DACH1: variants seen among roughly 807,000 people sequenced by gnomAD.
The protein encoded by DACH1 is dachshund homolog 1.
DACH1 carries 12 observed loss-of-function variants against 54.2 expected under a neutral mutation model. The ratio of observed to expected loss-of-function variants is 0.22; its 90% CI spans 0.14 to 0.36. DACH1 has a LOEUF of 0.36. Ranked by LOEUF, DACH1 falls within the 10% of genes least tolerant of loss-of-function variation. DACH1 has a pLI of 1.00. For missense variants in DACH1, 805 were observed against 929.8 expected, an observed-to-expected ratio of 0.87 and a Z score of 1.75; for synonymous variants, 386 against 366.2, an observed-to-expected ratio of 1.05 and a Z score of -0.62.
chr13:71,734,993 A>ATC (rs1200537636), intron 1 of DACH1, among the ~76,000 whole-genome samples: 2 of 149,628 alleles, frequency 1.3e-5, no homozygotes, highest in African/African-American at 4.9e-5. Context: ...ATATATATAT[A>ATC]TACAGACACA....
chr13:71,488,410 T>C (rs957702750), intron 7 of DACH1, among the ~76,000 whole-genome samples: 5 of 152,160 alleles, frequency 3.3e-5, no homozygotes, highest in Admixed American at 1.3e-4. Context: ...TTTTGATTCA[T>C]AATGTACTGT....
intron 1 of DACH1, among the ~76,000 whole-genome samples, chr13:71,685,825 TAGA>T (rs2138710912): frequency 1.3e-5 from 2 of 152,298 alleles, no homozygotes; most frequent in South Asian, 4.1e-4. Context: ...ACCAATTTAC[TAGA>T]AGGTGTAGAC....
At chr13:71,583,678 A>C (rs1593934831) in intron 3 of DACH1, among the ~76,000 whole-genome samples, 1 of 152,012 alleles carries the variant, frequency 6.6e-6, no homozygotes, top group African/African-American at 2.4e-5. Context: ...CCGTCTCTAC[A>C]AAAAATACAA....
chr13:71,444,692 A>T (rs1343198660), intron 10 of DACH1, among the ~76,000 whole-genome samples: 1 of 152,208 alleles, frequency 6.6e-6, no homozygotes, highest in Non-Finnish European at 1.5e-5. Flanking sequence ...ATTTATACAA[A>T]TTATCTTTTA....
chr13:71,534,273 T>C (rs772398648), intron 6 of DACH1, among the ~76,000 whole-genome samples: 3 of 151,776 alleles, frequency 2.0e-5, no homozygotes, highest in Non-Finnish European at 4.4e-5. Flanking sequence ...ATACTAAACA[T>C]GAAATACATA....
intron 4 of DACH1, among the ~76,000 whole-genome samples, chr13:71,563,683 C>A (rs1256972328): frequency 6.6e-6 from 1 of 151,518 alleles, no homozygotes; most frequent in Non-Finnish European, 1.5e-5. Context: ...AGATTGAAAT[C>A]TTTATGTAAA....
chr13:71,750,184 C>T (rs1000101014), intron 1 of DACH1, among the ~76,000 whole-genome samples: 2 of 152,174 alleles, frequency 1.3e-5, no homozygotes, highest in African/African-American at 4.8e-5. Context: ...TGTTTAGAGT[C>T]TATACTTTAA....
Position 71,439,337 on chromosome 13 carries a change from C to T in DACH1, c.*1318G>A, listed in dbSNP as rs149286914. ...GCCGCTTTACTTCCAGTTATCTGCA[C>T]GAAAGTGAAAACACATACTGTAACT... On this transcript the variant is annotated 3_prime_UTR_variant, in exon 11 of 11. Transcript: ENST00000613252. 2.0e-5 allele frequency: 3 copies of T among 152,290 alleles called. No individual in the cohort carries two copies. Among genetic ancestry groups the T allele is most frequent in the Non-Finnish European group, 4.4e-5 (3 of 67,882 alleles). 9.4% of individuals were successfully genotyped at this position (152,290 alleles called of 1,614,324 possible). A position where few individuals can be genotyped will look rare whatever the true frequency, so the allele number is the denominator to read the frequency against.
intron 3 of DACH1, among the ~76,000 whole-genome samples, chr13:71,613,974 CACCA>C (rs1303525799): frequency 6.6e-6 from 1 of 152,152 alleles, no homozygotes; most frequent in African/African-American, 2.4e-5. Flanking sequence ...AGACATGAGC[CACCA>C]CGCCCAGCAT....
At chr13:71,836,015 A>C (rs1888769317) in intron 1 of DACH1, among the ~76,000 whole-genome samples, 2 of 152,072 alleles carry the variant, frequency 1.3e-5, no homozygotes, top group Non-Finnish European at 2.9e-5. Context: ...GTTCACTAAT[A>C]CTCCAATTAA....
chr13:71,781,815 T>C (rs951875987), intron 1 of DACH1, among the ~76,000 whole-genome samples: 3 of 152,200 alleles, frequency 2.0e-5, no homozygotes, highest in East Asian at 1.9e-4. Flanking sequence ...CTATGAGATA[T>C]GAGTTGGCAA....
At chr13:71,549,493 T>C (rs1883669814) in intron 6 of DACH1, among the ~76,000 whole-genome samples, 1 of 152,146 alleles carries the variant, frequency 6.6e-6, no homozygotes. Context: ...AAGACTGCTC[T>C]TGTCTCTTTG....
At chr13:71,788,816 A>G (rs1472683308) in intron 1 of DACH1, among the ~76,000 whole-genome samples, 1 of 152,128 alleles carries the variant, frequency 6.6e-6, no homozygotes, top group African/African-American at 2.4e-5. Flanking sequence ...TAACTTAAAT[A>G]GAATTTGTGC....
chr13:71,796,096 C>T lies in DACH1; in HGVS notation c.848+69826G>A, dbSNP rs1887037470. Among the ~76,000 whole-genome samples, 3 of 152,208 alleles carry T rather than the reference C, an allele frequency of 2.0e-5. No homozygotes were observed. The South Asian group carries it at 6.2e-4, about 32-fold the overall frequency. On this transcript the variant is annotated intron_variant, in intron 1 of 10. Coordinates refer to ENST00000613252, the MANE Select transcript of DACH1 (RefSeq NM_080759.6). ...ACTGAACATGCTTCTTTTAAGAAATCTCTTCTAGATTTTGGATTTTATAAC... is the reference window on the plus strand; with the variant it reads ...ACTGAACATGCTTCTTTTAAGAAATTTCTTCTAGATTTTGGATTTTATAAC...
intron 1 of DACH1, among the ~76,000 whole-genome samples, chr13:71,746,520 T>A (rs1446650489): frequency 2.0e-5 from 3 of 152,172 alleles, no homozygotes; most frequent in African/African-American, 7.2e-5. Flanking sequence ...AATTCCCAGG[T>A]CACTGGAAAT....
intron 10 of DACH1, among the ~76,000 whole-genome samples, chr13:71,468,066 G>A (rs1396414695): frequency 1.3e-5 from 2 of 152,022 alleles, no homozygotes; most frequent in African/African-American, 4.8e-5. Context: ...TGGAAAACGT[G>A]GTTAGGTAAC....
chr13:71,702,296 T>G (rs2138753336), intron 1 of DACH1, among the ~76,000 whole-genome samples: 1 of 152,284 alleles, frequency 6.6e-6, no homozygotes, highest in East Asian at 1.9e-4. Context: ...AAATCTAGAT[T>G]TCTTATGAAA....
At chr13:71,707,118 C>T (rs186103755) in intron 1 of DACH1, among the ~76,000 whole-genome samples, 7 of 152,120 alleles carry the variant, frequency 4.6e-5, no homozygotes, top group African/African-American at 1.7e-4. Flanking sequence ...AACATTAAGA[C>T]AGGTCTGTCC....
At chr13:71,515,468 A>G (rs968066728) in intron 6 of DACH1, among the ~76,000 whole-genome samples, 1 of 151,960 alleles carries the variant, frequency 6.6e-6, no homozygotes, top group Admixed American at 6.6e-5. Context: ...GCATATATAC[A>G]TATAAAAAAG....
Sources: allele counts gnomAD v4.1 joint callset (sites outside exome capture counted in the v4.1 genomes callset), GRCh38; gene constraint gnomAD v4.1.1; transcripts MANE v1.5; gene names NCBI Gene and HGNC (gene_info 2026-07-23, HGNC 2026-07-21).